Variants in SRBD1 observed in about 807,000 individuals in gnomAD.
The protein encoded by SRBD1 is S1 RNA binding domain 1, also known as S1 RNA-binding domain-containing protein 1.
A neutral mutation model predicts 115.3 loss-of-function variants in SRBD1; 88 were observed. The observed-to-expected ratio is 0.76, with a 90% CI of 0.64 to 0.91. SRBD1 has a LOEUF of 0.91. Ranked by LOEUF, SRBD1 falls within the 40% of genes least tolerant of loss-of-function variation. SRBD1 has a pLI of 0.00. For missense variants in SRBD1, 1,385 were observed against 1,177.4 expected (o/e 1.18, Z -2.58); for synonymous variants, 509 against 407.7 (o/e 1.25, Z -2.99).
intron 16 of SRBD1, among the ~76,000 whole-genome samples, chr2:45,458,644 A>G (rs1669222255): frequency 1.3e-5 from 2 of 152,158 alleles, no homozygotes; most frequent in Non-Finnish European, 2.9e-5. Flanking sequence ...TGTTATCCAC[A>G]TCAGTGCTGC....
At chr2:45,489,551 G>A (rs1010467501) in intron 14 of SRBD1, among the ~76,000 whole-genome samples, 4 of 151,862 alleles carry the variant, frequency 2.6e-5, no homozygotes, top group Non-Finnish European at 4.4e-5. Flanking sequence ...AATTTAAATA[G>A]AAAAAAATAA....
At chr2:45,593,337 T>G (rs1014857088) in intron 4 of SRBD1, among the ~76,000 whole-genome samples, 1 of 152,128 alleles carries the variant, frequency 6.6e-6, no homozygotes, top group Non-Finnish European at 1.5e-5. Context: ...AAAATTCAAT[T>G]TATATGCCAA....
rs755076764 is a variant in SRBD1 at position 45,413,307 on chromosome 2, G to GA, written c.2334-15dup. The GA allele has an allele frequency of 1.4e-5, 22 of 1,595,938 alleles. No individual in the cohort carries two copies. The highest frequency in any genetic ancestry group is 5.5e-5 in the Admixed American group (3 of 54,798). On this transcript the variant is annotated splice_polypyrimidine_tract_variant and intron_variant, in intron 18 of 20. Coordinates refer to ENST00000263736, the MANE Select transcript of SRBD1 (RefSeq NM_018079.5). ...TCAGTTTGCTGACTATATAAAACCA[G>GA]AAAAAACCACATTTATGAAAAGGGG...
chr2:45,530,502 T>TTAAAAA (rs1671577557), intron 14 of SRBD1, among the ~76,000 whole-genome samples: 1 of 152,040 alleles, frequency 6.6e-6, no homozygotes, highest in African/African-American at 2.4e-5. Context: ...AAAGTTAAAG[T>TTAAAAA]GCTTACAAAA....
At position 45,413,212 on chromosome 2, in the gene SRBD1, CT is replaced by C. The variant is rs766806151; in HGVS notation, c.2414del (p.Gln805ArgfsTer10). ...SADVEVTNEKQGKKKSKTAVN... is the reference protein window; with the variant it reads ...SADVEVTNEKXGKKKSKTAVN... ...CTGCAGTTTTGCTCTTCTTTTTGCC[CT>C]GCTTCTCATTTGTGACCTCAACGTC... On this transcript the variant is annotated frameshift_variant, in exon 19 of 21. Coordinates refer to ENST00000263736, the MANE Select transcript of SRBD1 (RefSeq NM_018079.5). LOFTEE classifies it high-confidence loss of function. The C allele has an allele frequency of 6.2e-7, 1 of 1,614,066 alleles. No individual in the cohort carries two copies.
rs192183776 is a variant in SRBD1 at position 45,558,156 on chromosome 2, T to C, written c.1410-4426A>G. Among the ~76,000 whole-genome samples the C allele has an allele frequency of 2.8e-3, 428 of 152,212 alleles. 1 individual carries two copies. The highest frequency in any genetic ancestry group is 9.7e-3 in the African/African-American group (402 of 41,532). On this transcript the variant is annotated intron_variant, in intron 10 of 20. Coordinates refer to ENST00000263736, the MANE Select transcript of SRBD1 (RefSeq NM_018079.5). ...ACTTATCAAGTCAAAGACACAAAAA[T>C]CTGCAAACTCAAAAGACAAGTTCTG...
At chr2:45,555,256 G>A (rs1421190922) in intron 10 of SRBD1, among the ~76,000 whole-genome samples, 4 of 152,118 alleles carry the variant, frequency 2.6e-5, no homozygotes, top group Non-Finnish European at 4.4e-5. Flanking sequence ...GTGTTGGTGT[G>A]TGCCTGTAGT....
chr2:45,407,780 G>C (rs1667479735), intron 19 of SRBD1, among the ~76,000 whole-genome samples: 1 of 151,860 alleles, frequency 6.6e-6, no homozygotes, highest in Non-Finnish European at 1.5e-5. Flanking sequence ...AACATTATAA[G>C]CAGATATAAA....
At chr2:45,530,683 T>C (rs1671583596) in intron 14 of SRBD1, among the ~76,000 whole-genome samples, 1 of 151,964 alleles carries the variant, frequency 6.6e-6, no homozygotes, top group South Asian at 2.1e-4. Flanking sequence ...AATAGAAAGG[T>C]ATAGCACTTC....
Position 45,599,542 on chromosome 2 carries a change from C to G in SRBD1, c.555G>C (p.Lys185Asn), listed in dbSNP as rs1192368497. 6.2e-7 allele frequency: 1 copy of G among 1,614,084 alleles called. No individual in the cohort carries two copies. Among genetic ancestry groups the G allele is most frequent in the Non-Finnish European group, 8.5e-7 (1 of 1,180,050 alleles). ...TFGQSALKKIKTETYPQGQPV... is the reference protein window; with the variant it reads ...TFGQSALKKINTETYPQGQPV... The stretch of plus-strand genomic sequence containing the variant: ...GCTGCCCCTGAGGATATGTCTCAGT[C>G]TTGATTTTCTTTAAAGCGGACTGAC... Residue 185 changes from lysine (K) to asparagine (N), a missense_variant, in exon 4 of 21, where the codon AAG (lysine) becomes AAC (asparagine). Transcript: ENST00000263736.
At chr2:45,493,346 A>G (rs147419009) in intron 14 of SRBD1, among the ~76,000 whole-genome samples, 47 of 152,350 alleles carry the variant, frequency 3.1e-4, no homozygotes, top group African/African-American at 1.1e-3. Context: ...TTTTAGGGAT[A>G]GGAGACAAGG....
chr2:45,592,850 G>T (rs1329135167), intron 4 of SRBD1, among the ~76,000 whole-genome samples: 2 of 152,088 alleles, frequency 1.3e-5, no homozygotes, highest in African/African-American at 4.8e-5. Flanking sequence ...CAAATTCTTG[G>T]GTCCCACCCA....
intron 14 of SRBD1, among the ~76,000 whole-genome samples, chr2:45,527,837 TC>T (rs1361420739): frequency 6.6e-6 from 1 of 151,790 alleles, no homozygotes; most frequent in Non-Finnish European, 1.5e-5. Context: ...GTAGAAAACT[TC>T]CACCTAACAC....
chr2:45,397,760 T>A (rs886243381), intron 19 of SRBD1, among the ~76,000 whole-genome samples: 9 of 152,132 alleles, frequency 5.9e-5, no homozygotes, highest in African/African-American at 2.2e-4. Context: ...CAGCTAATTT[T>A]TATTTTTTAA....
At chr2:45,527,930 C>T (rs567921960) in intron 14 of SRBD1, among the ~76,000 whole-genome samples, 2 of 151,928 alleles carry the variant, frequency 1.3e-5, no homozygotes, top group African/African-American at 4.8e-5. Context: ...GGAAAGGGCA[C>T]TTAAATGGAA....
rs866288985 is a variant in SRBD1, at chr2:45,424,625, G to C, written c.2050-4731C>G. On this transcript the variant is annotated intron_variant, in intron 16 of 20. Transcript: ENST00000263736. ...CAGTAGTAAAGATAAGCATTATTTT[G>C]AGAAACTTATTTTGAATTACATTTA... 3.3e-5 allele frequency among the ~76,000 whole-genome samples: 5 copies of C among 152,098 alleles called. No individual in the cohort carries two copies. In the South Asian group the frequency reaches 6.2e-4, roughly 19 times the overall value.
chr2:45,483,569 G>A (rs1459074204), intron 15 of SRBD1, among the ~76,000 whole-genome samples: 1 of 152,046 alleles, frequency 6.6e-6, no homozygotes, highest in African/African-American at 2.4e-5. Context: ...AAAGCTTCTG[G>A]AGCAAATCAG....
intron 14 of SRBD1, among the ~76,000 whole-genome samples, chr2:45,519,740 T>C (rs1671224681): frequency 6.6e-6 from 1 of 152,206 alleles, no homozygotes; most frequent in African/African-American, 2.4e-5. Flanking sequence ...AAATCTTTGA[T>C]GCTTGTTAAA....
chr2:45,566,838 T>C (rs1359860072), intron 9 of SRBD1, among the ~76,000 whole-genome samples: 1 of 152,112 alleles, frequency 6.6e-6, no homozygotes, highest in East Asian at 1.9e-4. Context: ...TTATGTATAT[T>C]ATATATTAAA....
Sources: allele counts gnomAD v4.1 joint callset (sites outside exome capture counted in the v4.1 genomes callset), GRCh38; gene constraint gnomAD v4.1.1; transcripts MANE v1.5; gene names NCBI Gene and HGNC (gene_info 2026-07-23, HGNC 2026-07-21).